The following LARP4 variants were observed in gnomAD, a reference collection of about 807,000 sequenced individuals.
LARP4 encodes La ribonucleoprotein 4, also known as la-related protein 4.
A neutral mutation model predicts 92.9 loss-of-function variants in LARP4; 29 were observed. The ratio of observed to expected loss-of-function variants is 0.31; its 90% CI spans 0.23 to 0.43. The LOEUF (loss-of-function observed/expected upper bound fraction) is 0.43, where lower values mean the gene tolerates loss of function less well. LARP4 is among the 20% of genes least tolerant of loss of function. The pLI, the probability that LARP4 is intolerant of heterozygous loss-of-function variation, is 1.00. For missense variants in LARP4, 732 were observed against 860.0 expected, an observed-to-expected ratio of 0.85 and a Z score of 1.86; for synonymous variants, 279 against 284.1, an observed-to-expected ratio of 0.98 and a Z score of 0.18.
chr12:50,474,472 C>T (rs756672154), intron 15 of LARP4, among the ~76,000 whole-genome samples: 4 of 152,058 alleles, frequency 2.6e-5, no homozygotes, highest in Non-Finnish European at 4.4e-5. Context: ...CTCAGCCTCC[C>T]GGGTAGCTGG....
chr12:50,462,483 A>AG (rs1181506895), intron 11 of LARP4, 99 bp from the exon 12 acceptor site: 1 of 776,286 alleles, frequency 1.3e-6, no homozygotes, highest in African/African-American at 1.8e-5. Flanking sequence ...TCTCAAAAAA[A>AG]AAAAAAATGT....
intron 10 of LARP4, among the ~76,000 whole-genome samples, chr12:50,455,515 T>G (rs1010647313): frequency 1.3e-5 from 2 of 152,232 alleles, no homozygotes; most frequent in African/African-American, 4.8e-5. Flanking sequence ...AGTGACAGTC[T>G]TTTGCCAGAT....
intron 7 of LARP4, among the ~76,000 whole-genome samples, chr12:50,441,112 T>C (rs1472228262): frequency 6.6e-6 from 1 of 152,132 alleles, no homozygotes; most frequent in African/African-American, 2.4e-5. Flanking sequence ...CTCAAACTCC[T>C]GACCTCGTGA....
chr12:50,467,726 C>A (rs1956333555), intron 13 of LARP4, among the ~76,000 whole-genome samples: 1 of 152,136 alleles, frequency 6.6e-6, no homozygotes, highest in Non-Finnish European at 1.5e-5. Context: ...TGAATTCTTT[C>A]AAACAATGGA....
chr12:50,430,807 T>A (rs1949539375), intron 4 of LARP4, among the ~76,000 whole-genome samples: 3 of 151,546 alleles, frequency 2.0e-5, no homozygotes, highest in African/African-American at 4.8e-5. Flanking sequence ...ATTACAGGCG[T>A]GCAGCCACCA....
intron 1 of LARP4, chr12:50,402,847 T>C (rs1340318962): frequency 2.2e-6 from 1 of 452,886 alleles, no homozygotes; most frequent in Admixed American, 2.4e-5. Flanking sequence ...CTCGCCAAAC[T>C]AGTGTTTAAA....
At chr12:50,470,793 G>GT (rs1443728645) in intron 13 of LARP4, among the ~76,000 whole-genome samples, 1 of 152,058 alleles carries the variant, frequency 6.6e-6, no homozygotes, top group African/African-American at 2.4e-5. Flanking sequence ...AGTGACATGT[G>GT]TATCTCCCCA....
At chr12:50,414,870 A>G (rs982635421) in intron 1 of LARP4, among the ~76,000 whole-genome samples, 3 of 152,062 alleles carry the variant, frequency 2.0e-5, no homozygotes, top group Admixed American at 6.6e-5. Flanking sequence ...GTACTATACA[A>G]CCTTTTATAT....
chr12:50,457,006 G>A (rs1049695634), intron 10 of LARP4, among the ~76,000 whole-genome samples: 4 of 151,994 alleles, frequency 2.6e-5, no homozygotes, highest in African/African-American at 4.8e-5. Flanking sequence ...TCTGCTTCCC[G>A]AGTTCAAGCA....
chr12:50,475,428 A>T, intron 15 of LARP4, 98 bp from the exon 16 acceptor site: 1 of 997,196 alleles, frequency 1.0e-6, no homozygotes, highest in Non-Finnish European at 1.5e-6. Flanking sequence ...TTTCTGGAAG[A>T]TAATCTGTGG....
intron 13 of LARP4, among the ~76,000 whole-genome samples, chr12:50,472,109 G>T (rs187583291): frequency 1.8e-4 from 27 of 152,166 alleles, no homozygotes; most frequent in Admixed American, 1.7e-3. Context: ...TTCTAAACCT[G>T]TTGAAATTTT....
intron 1 of LARP4, among the ~76,000 whole-genome samples, chr12:50,427,335 C>T (rs1948952385): frequency 6.6e-6 from 1 of 152,016 alleles, no homozygotes; most frequent in Admixed American, 6.6e-5. Flanking sequence ...GTGACATTTG[C>T]AGGTAGGTTG....
chr12:50,401,001 A>G lies in LARP4; in HGVS notation c.-10A>G. On this transcript the variant is annotated 5_prime_UTR_variant, in exon 1 of 16. Coordinates refer to ENST00000398473, the MANE Select transcript of LARP4 (RefSeq NM_052879.5). Reference sequence around the variant, plus strand: ...GGCGGCGGGAACGATTGGGCTGAGCAGAGGACGACATGTTGCTTTTCGTGG... The same window carrying G: ...GGCGGCGGGAACGATTGGGCTGAGCGGAGGACGACATGTTGCTTTTCGTGG... The G allele has an allele frequency of 6.2e-7, 1 of 1,614,160 alleles. No homozygotes were observed. Among genetic ancestry groups the G allele is most frequent in the Non-Finnish European group, 8.5e-7 (1 of 1,180,022 alleles).
At chr12:50,427,953 A>C in intron 2 of LARP4, 44 bp downstream of exon 2, 1 of 1,344,116 alleles carries the variant, frequency 7.4e-7, no homozygotes, top group Non-Finnish European at 1.0e-6. Context: ...GTTTGGTTAA[A>C]TGTATGGCCA....
chr12:50,467,816 T>G (rs1956348140), intron 13 of LARP4, among the ~76,000 whole-genome samples: 1 of 151,360 alleles, frequency 6.6e-6, no homozygotes, highest in Non-Finnish European at 1.5e-5. Context: ...AATCCTCATG[T>G]CTCACAAGTT....
chr12:50,469,601 CAAAAAA>C (rs757844912), intron 13 of LARP4, among the ~76,000 whole-genome samples: 15 of 65,566 alleles, frequency 2.3e-4, no homozygotes, highest in African/African-American at 8.7e-4. Flanking sequence ...GAGACTCTAT[CAAAAAA>C]AAAAAAAAAA....
chr12:50,454,365 T>C lies in LARP4; in HGVS notation c.1069T>C (p.Tyr357His). The C allele has an allele frequency of 1.2e-6, 2 of 1,613,744 alleles. No homozygotes were observed. The highest frequency in any genetic ancestry group is 1.7e-6 in the Non-Finnish European group (2 of 1,179,904). The change falls in exon 10 of 16, where the codon TAT becomes CAT. Residue 357 changes from tyrosine to histidine, a missense_variant. This residue lies in a region of LARP4 where 264 missense variants were observed against 269.5 expected (regional missense o/e 0.98). Coordinates refer to ENST00000398473, the MANE Select transcript of LARP4 (RefSeq NM_052879.5). ...GAATGGCTTTAATTCGCCAGGATCT[T>C]ATAAAACAAATGCTGCTGCTATGAA... is the stretch of plus-strand genomic sequence containing the variant. Reference protein sequence around the residue: ...FVNGFNSPGSYKTNAAAMNMG... With the variant: ...FVNGFNSPGSHKTNAAAMNMG...
At chr12:50,445,184 G>GTGAGCCACTGCGC (rs1165090440) in intron 8 of LARP4, among the ~76,000 whole-genome samples, 2 of 152,142 alleles carry the variant, frequency 1.3e-5, no homozygotes, top group Non-Finnish European at 2.9e-5. Context: ...GACTATAGAC[G>GTGAGCCACTGCGC]TGAGCCACTG....
intron 1 of LARP4, among the ~76,000 whole-genome samples, chr12:50,416,663 C>T (rs750927613): frequency 1.3e-5 from 2 of 151,872 alleles, no homozygotes; most frequent in African/African-American, 4.8e-5. Context: ...CATCCTAGGC[C>T]GCAGAGTGAG....
Sources: gnomAD v4.1 joint callset for allele counts (sites outside exome capture counted in the v4.1 genomes callset) on GRCh38, gnomAD v4.1.1 for gene constraint, gnomAD v4.1.1 regional missense constraint, MANE v1.5 for transcripts, NCBI Gene and HGNC (gene_info 2026-07-23, HGNC 2026-07-21) for gene names.